The following THOC5 variants were observed in gnomAD, a reference collection of about 807,000 sequenced individuals.
The protein encoded by THOC5 is THO complex subunit 5, also known as Fms-interacting protein.
Under a neutral mutation model 92.9 loss-of-function variants are expected in THOC5, and 43 were observed. The observed-to-expected ratio is 0.46, with a 90% CI of 0.36 to 0.60. THOC5 has a LOEUF of 0.60. Among genes scored for constraint, THOC5 ranks in the 20% least tolerant of loss-of-function variants. The pLI is 0.00. For missense variants in THOC5, 659 were observed against 849.4 expected (o/e 0.78, Z 2.79); for synonymous variants, 296 against 320.1 (o/e 0.92, Z 0.80).
intron 6 of THOC5, among the ~76,000 whole-genome samples, chr22:29,538,986 C>T (rs1289412610): frequency 6.6e-6 from 1 of 150,942 alleles, no homozygotes; most frequent in African/African-American, 2.4e-5. Flanking sequence ...TGGTGCACAC[C>T]TACCACCCAG....
intron 1 of THOC5, among the ~76,000 whole-genome samples, 161 bp from the exon 2 acceptor site, chr22:29,549,319 G>C (rs1381920017): frequency 6.6e-6 from 1 of 152,102 alleles, no homozygotes; most frequent in Non-Finnish European, 1.5e-5. Context: ...GCATCTCTCA[G>C]CCTGTCCAAA....
intron 7 of THOC5, among the ~76,000 whole-genome samples, chr22:29,533,250 G>A (rs8135828): frequency 0.14 from 21,407 of 152,234 alleles, 1,964 homozygotes; most frequent in East Asian, 0.42. Context: ...TGAAGAAATA[G>A]GTTGGAACTG....
chr22:29,521,268 T>C (rs527786667), intron 12 of THOC5, among the ~76,000 whole-genome samples, 169 bp from the exon 13 acceptor site: 1 of 152,270 alleles, frequency 6.6e-6, no homozygotes, highest in South Asian at 2.1e-4. Context: ...CATTGCATCC[T>C]TACAACCCTA....
At chr22:29,520,834 T>G (rs1325361799) in intron 13 of THOC5, among the ~76,000 whole-genome samples, 164 bp downstream of exon 13, 1 of 152,198 alleles carries the variant, frequency 6.6e-6, no homozygotes, top group Admixed American at 6.5e-5. Context: ...TTTTGTGATC[T>G]CCCTTTGCCT....
rs776497500 is a variant in THOC5 at position 29,531,862 on chromosome 22, A to G, written c.816T>C (p.Phe272=). ...RHLPPPLYVL[F]VQATAYGQAC... ...CCTGCCCATACGCAGTGGCCTGAACAAAGAGGACATAGAGGGGAGGCGGCA... is the reference window on the plus strand; with the variant it reads ...CCTGCCCATACGCAGTGGCCTGAACGAAGAGGACATAGAGGGGAGGCGGCA... The change falls in exon 8 of 20, where the codon TTT becomes TTC. Residue 272 remains phenylalanine (F), a synonymous_variant. Transcript: ENST00000490103. The G allele has an allele frequency of 9.3e-6, 15 of 1,614,178 alleles. No individual in the cohort carries two copies. The highest frequency in any genetic ancestry group is 1.7e-6 in the Non-Finnish European group (2 of 1,180,028).
At chr22:29,541,874 A>T (rs371915878) in intron 5 of THOC5, among the ~76,000 whole-genome samples, 20,946 of 93,354 alleles carry the variant, frequency 0.22, 2,718 homozygotes, top group East Asian at 0.5. Context: ...AAAAAAAAAA[A>T]AAAAAAAAAA....
intron 6 of THOC5, among the ~76,000 whole-genome samples, chr22:29,538,800 GGAAAAAAAAAAA>G (rs1346298768): frequency 2.7e-4 from 9 of 32,986 alleles, no homozygotes; most frequent in East Asian, 7.4e-4. Flanking sequence ...CCATCTCTTT[GGAAAAAAAAAAA>G]AAAAAAAAAA....
intron 10 of THOC5, 78 bp from the exon 11 acceptor site, chr22:29,528,255 C>T: frequency 6.2e-7 from 1 of 1,613,962 alleles, no homozygotes; most frequent in South Asian, 1.1e-5. Context: ...AGCCAGGCCT[C>T]AGCCCTACTG....
In THOC5 at chr22:29,539,470, C is replaced by T; in HGVS notation, c.459G>A (p.Lys153=). ...EITKCLEFKS[K]HEEIDLVSLE... ...AACTGACCAGATCAATTTCTTCATG[C>T]TTTGACCTACAGACAAAAACATGAC... Residue 153 remains lysine, a synonymous_variant, in exon 6 of 20, where the codon AAG becomes AAA. Transcript: ENST00000490103. 1 of 1,612,704 alleles carries T rather than the reference C, an allele frequency of 6.2e-7. No homozygotes were observed. The highest frequency in any genetic ancestry group is 8.5e-7 in the Non-Finnish European group (1 of 1,179,648).
intron 12 of THOC5, among the ~76,000 whole-genome samples, chr22:29,522,122 G>A (rs2063453618): frequency 1.3e-5 from 2 of 151,856 alleles, no homozygotes; most frequent in East Asian, 3.9e-4. Context: ...AGGCCGAGAC[G>A]GGCGGATCAT....
chr22:29,538,092 C>T (rs2063797458), intron 6 of THOC5, among the ~76,000 whole-genome samples: 1 of 151,966 alleles, frequency 6.6e-6, no homozygotes, highest in Non-Finnish European at 1.5e-5. Context: ...ACGCCATTCT[C>T]CTGCCTCAGC....
intron 14 of THOC5, among the ~76,000 whole-genome samples, chr22:29,519,533 G>GT (rs1389247185): frequency 4.6e-5 from 7 of 152,138 alleles, no homozygotes; most frequent in Non-Finnish European, 1.0e-4. Context: ...GTAAACTCTT[G>GT]TAAGTCTAAG....
chr22:29,544,773 T>C (rs1569233740), intron 2 of THOC5, among the ~76,000 whole-genome samples, 170 bp from the exon 3 acceptor site: 1 of 152,192 alleles, frequency 6.6e-6, no homozygotes, highest in East Asian at 1.9e-4. Context: ...CTCTTCAAAA[T>C]AGAAACCTCT....
chr22:29,541,619 T>C (rs2348672), intron 5 of THOC5, among the ~76,000 whole-genome samples: 37,194 of 150,624 alleles, frequency 0.25, 4,667 homozygotes, highest in East Asian at 0.32. Context: ...CCCAGCACTT[T>C]GGGAGGCTGA....
chr22:29,528,580 C>T (rs140842329), intron 9 of THOC5, 114 bp from the exon 10 acceptor site: 1 of 996,834 alleles, frequency 1.0e-6, no homozygotes, highest in Non-Finnish European at 1.5e-6. Flanking sequence ...AAATAAGTTT[C>T]TCTGTAATAA....
intron 17 of THOC5, among the ~76,000 whole-genome samples, chr22:29,514,707 T>C (rs980611379): frequency 6.6e-6 from 1 of 150,888 alleles, no homozygotes; most frequent in Non-Finnish European, 1.5e-5. Flanking sequence ...AAAAAATATA[T>C]ATATATATAT....
chr22:29,531,896 G>T lies in THOC5; in HGVS notation c.782C>A (p.Ala261Asp). 6.2e-7 allele frequency: 1 copy of T among 1,614,168 alleles called. No homozygotes were observed. Among genetic ancestry groups the T allele is most frequent in the Non-Finnish European group, 8.5e-7 (1 of 1,180,034 alleles). ...ATAGAGGGGAGGCGGCAGGTGTCTG[G>T]CTGTCTCATACTGCTTGTGAGCCTG... ...FDQAHKQYET[A>D]RHLPPPLYVL... The change falls in exon 8 of 20, where the codon GCC becomes GAC. Residue 261 changes from alanine (A) to aspartate (D), a missense_variant. Physicochemically the swap from Ala to Asp is moderately radical, Grantham distance 126 (BLOSUM62 -2). Transcript: ENST00000490103.
intron 15 of THOC5, among the ~76,000 whole-genome samples, chr22:29,518,590 T>G (rs887958012): frequency 6.6e-6 from 1 of 152,246 alleles, no homozygotes; most frequent in Non-Finnish European, 1.5e-5. Flanking sequence ...AAGCTGACTG[T>G]GAGCCACAGA....
chr22:29,553,596 G>C (rs957907785), intron 1 of THOC5, 75 bp downstream of exon 1: 1 of 152,586 alleles, frequency 6.6e-6, no homozygotes, highest in Non-Finnish European at 1.5e-5. Flanking sequence ...CGCCCTTTGG[G>C]CGATCAGCAC....
Sources: gnomAD v4.1 joint callset for allele counts (sites outside exome capture counted in the v4.1 genomes callset) on GRCh38, gnomAD v4.1.1 for gene constraint, MANE v1.5 for transcripts, NCBI Gene and HGNC (gene_info 2026-07-23, HGNC 2026-07-21) for gene names.